ADK: variants seen among roughly 807,000 people sequenced by gnomAD.
The protein encoded by ADK is N6,N6-dimethyladenosine kinase.
Under a neutral mutation model 44.7 loss-of-function variants are expected in ADK, and 24 were observed. That is an observed-to-expected ratio of 0.54 (90% CI 0.39 to 0.76). The LOEUF is 0.76. Among genes scored for constraint, ADK ranks in the 30% least tolerant of loss-of-function variants. The pLI, the probability that ADK is intolerant of heterozygous loss-of-function variation, is 0.00. For missense variants in ADK, 321 were observed against 425.1 expected (o/e 0.76, Z 2.15); for synonymous variants, 128 against 142.6 (o/e 0.90, Z 0.73).
At chr10:74,191,146 A>G (rs1037698747) in intron 1 of ADK, among the ~76,000 whole-genome samples, 22 of 152,028 alleles carry the variant, frequency 1.4e-4, no homozygotes, top group African/African-American at 5.3e-4. Flanking sequence ...ATGCCCAGCT[A>G]ATTTTTGTAT....
chr10:74,411,969 T>TTC (rs1844197761), intron 6 of ADK, among the ~76,000 whole-genome samples: 1 of 152,180 alleles, frequency 6.6e-6, no homozygotes, highest in Admixed American at 6.5e-5. Flanking sequence ...AAGAAGCAAT[T>TTC]TCTCATCCAT....
At chr10:74,442,225 T>C (rs930589372) in intron 6 of ADK, among the ~76,000 whole-genome samples, 1 of 151,922 alleles carries the variant, frequency 6.6e-6, no homozygotes, top group Admixed American at 6.5e-5. Flanking sequence ...GTCAAAATCA[T>C]GTGGAAAAAA....
chr10:74,294,291 T>TC (rs201615919), intron 3 of ADK, among the ~76,000 whole-genome samples: 281 of 149,718 alleles, frequency 1.9e-3, no homozygotes, highest in Non-Finnish European at 3.2e-3. Flanking sequence ...TTTCTTTCTT[T>TC]TTTTTTTTTT....
At chr10:74,603,238 G>A (rs1852202160) in intron 9 of ADK, among the ~76,000 whole-genome samples, 1 of 151,860 alleles carries the variant, frequency 6.6e-6, no homozygotes, top group African/African-American at 2.4e-5. Flanking sequence ...AGACTAATTA[G>A]GAATCATTGT....
chr10:74,360,681 A>G (rs1451296948), intron 4 of ADK, among the ~76,000 whole-genome samples: 1 of 151,924 alleles, frequency 6.6e-6, no homozygotes, highest in African/African-American at 2.4e-5. Flanking sequence ...CCCCTTTATC[A>G]TTATATTATG....
intron 9 of ADK, among the ~76,000 whole-genome samples, chr10:74,625,677 G>A (rs1436183150): frequency 3.9e-5 from 6 of 152,066 alleles, no homozygotes; most frequent in African/African-American, 1.2e-4. Flanking sequence ...ATCCCATGGG[G>A]TTATAGTGAG....
intron 1 of ADK, among the ~76,000 whole-genome samples, chr10:74,159,793 A>G (rs900148134): frequency 6.6e-6 from 1 of 152,090 alleles, no homozygotes; most frequent in Admixed American, 6.5e-5. Flanking sequence ...GGGTTTCACA[A>G]TGTTGGCCAG....
rs1166880871 is a variant in ADK, at chr10:74,222,104, C to T, written c.141-2434C>T. On this transcript the variant is annotated intron_variant, in intron 2 of 10. Transcript: ENST00000539909. ...ACAAAATGGGAGAAAATTTTTGCAA[C>T]CTACTCATCTGACAAAGGGCTAATA... is the stretch of plus-strand genomic sequence containing the variant. 2.6e-5 allele frequency among the ~76,000 whole-genome samples: 4 copies of T among 151,782 alleles called. No individual in the cohort carries two copies. In the East Asian group the frequency reaches 7.7e-4, roughly 29 times the overall value.
At chr10:74,221,068 G>A (rs1844286608) in intron 2 of ADK, among the ~76,000 whole-genome samples, 1 of 145,582 alleles carries the variant, frequency 6.9e-6, no homozygotes, top group Non-Finnish European at 1.5e-5. Context: ...TAGGAAAAGA[G>A]GAAGTCAAAT....
At chr10:74,443,280 A>G (rs1382517030) in intron 6 of ADK, among the ~76,000 whole-genome samples, 2 of 152,174 alleles carry the variant, frequency 1.3e-5, no homozygotes, top group Non-Finnish European at 2.9e-5. Context: ...TATACTGTGA[A>G]TAAATGTAAT....
At chr10:74,654,703 T>G (rs968665571) in intron 9 of ADK, among the ~76,000 whole-genome samples, 3 of 151,990 alleles carry the variant, frequency 2.0e-5, no homozygotes, top group African/African-American at 7.3e-5. Flanking sequence ...TTCCAGCAAC[T>G]TGGGAGGCTG....
chr10:74,686,940 T>G (rs1855817252), intron 10 of ADK, among the ~76,000 whole-genome samples: 1 of 152,160 alleles, frequency 6.6e-6, no homozygotes, highest in Non-Finnish European at 1.5e-5. Context: ...CCTCCCAAAG[T>G]GCTGGGATTA....
At chr10:74,589,354 A>G in intron 8 of ADK, 37 bp downstream of exon 8, 1 of 1,609,106 alleles carries the variant, frequency 6.2e-7, no homozygotes. Context: ...AACAGATCCT[A>G]AAGGTTTTTT....
chr10:74,483,782 G>A (rs1847162231), intron 6 of ADK, among the ~76,000 whole-genome samples: 1 of 152,186 alleles, frequency 6.6e-6, no homozygotes, highest in Non-Finnish European at 1.5e-5. Flanking sequence ...AATGCTGCTA[G>A]TCTCTTTGCT....
intron 7 of ADK, among the ~76,000 whole-genome samples, chr10:74,573,518 C>T (rs1589261056): frequency 6.6e-6 from 1 of 152,318 alleles, no homozygotes; most frequent in East Asian, 1.9e-4. Flanking sequence ...GCTGGGAGAA[C>T]CACTGCTCTC....
intron 2 of ADK, among the ~76,000 whole-genome samples, chr10:74,221,973 T>A (rs1332938919): frequency 6.6e-6 from 1 of 152,214 alleles, no homozygotes; most frequent in Non-Finnish European, 1.5e-5. Context: ...AAGGACTTCA[T>A]GACTAAAACA....
chr10:74,182,493 T>A (rs1427295538), intron 1 of ADK, among the ~76,000 whole-genome samples: 3 of 152,078 alleles, frequency 2.0e-5, no homozygotes. Flanking sequence ...CTCAGCCTCC[T>A]GAGTAGCTGG....
chr10:74,279,691 T>G (rs1846841020), intron 3 of ADK, among the ~76,000 whole-genome samples: 1 of 152,068 alleles, frequency 6.6e-6, no homozygotes, highest in African/African-American at 2.4e-5. Context: ...TGATGTTTCA[T>G]CTTACCTCGA....
At chr10:74,217,716 A>G (rs934834749) in intron 2 of ADK, among the ~76,000 whole-genome samples, 14 of 152,182 alleles carry the variant, frequency 9.2e-5, no homozygotes, top group Non-Finnish European at 1.6e-4. Context: ...CGGTTCACGA[A>G]AAACCACTGT....
Sources: gnomAD v4.1 joint callset for allele counts (sites outside exome capture counted in the v4.1 genomes callset) on GRCh38, gnomAD v4.1.1 for gene constraint, MANE v1.5 for transcripts, NCBI Gene and HGNC (gene_info 2026-07-23, HGNC 2026-07-21) for gene names.